Variants in EFCC1 observed in about 807,000 individuals in gnomAD.
The protein encoded by EFCC1 is EF-hand and coiled-coil domain containing 1.
Under a neutral mutation model 52.1 loss-of-function variants are expected in EFCC1, and 50 were observed. The ratio of observed to expected loss-of-function variants is 0.96; its 90% confidence interval spans 0.76 to 1.21. The LOEUF (loss-of-function observed/expected upper bound fraction) is 1.21. Among genes scored for constraint, EFCC1 ranks in the 50% most tolerant of loss-of-function variants. The pLI is 0.00. For synonymous variants in EFCC1, 399 were observed against 396.5 expected, an observed-to-expected ratio of 1.01 and a Z score of -0.08; for missense variants, 837 against 867.3, an observed-to-expected ratio of 0.97 and a Z score of 0.44.
At position 129,001,608 on chromosome 3, in the gene EFCC1, AGC is replaced by A; in HGVS notation, c.-19_-18del. On this transcript the variant is annotated 5_prime_UTR_variant, in exon 1 of 8. Coordinates refer to ENST00000683648, the MANE Select transcript of EFCC1 (RefSeq NM_001377500.1). Reference sequence around the variant, plus strand: ...AAGGGACCGGAGGAGGGACCGGAGGAGCGAGGCGCGCGGCGCAGCGATGGAGC... The same window carrying A: ...AAGGGACCGGAGGAGGGACCGGAGGAGAGGCGCGCGGCGCAGCGATGGAGC... 13 of 1,355,236 alleles carry A rather than the reference AGC, an allele frequency of 9.6e-6. No homozygotes were observed. The South Asian group carries it at 2.4e-4, about 25-fold the overall frequency. 84.0% of individuals were successfully genotyped at this position (1,355,236 alleles called of 1,614,324 possible). A position where few individuals can be genotyped will look rare whatever the true frequency, so the allele number is the denominator to read the frequency against.
Position 129,031,442 on chromosome 3 carries a change from C to A in EFCC1, c.1138+582C>A, listed in dbSNP as rs546307551. Among the ~76,000 whole-genome samples the A allele has an allele frequency of 1.1e-3, 160 of 152,082 alleles. 1 individual carries two copies. The highest frequency in any genetic ancestry group is 3.7e-3 in the African/African-American group (155 of 41,466). ...GGTGACAGAGTGGGGCCCTGCCCCCCTAAAGAAAAAAGAAAAACATGGATG... is the reference window on the plus strand; with the variant it reads ...GGTGACAGAGTGGGGCCCTGCCCCCATAAAGAAAAAAGAAAAACATGGATG... On this transcript the variant is annotated intron_variant, in intron 3 of 7. Coordinates refer to ENST00000683648, the MANE Select transcript of EFCC1 (RefSeq NM_001377500.1).
rs368761954 is a variant in EFCC1 at position 129,015,237 on chromosome 3, C to T, written c.980+11160C>T. ...TCTCAGGCCCTTTGGGCATACGGCT[C>T]CCTCCACCATCCCCAAGCCTACTCC... is the stretch of plus-strand genomic sequence containing the variant. On this transcript the variant is annotated intron_variant, in intron 2 of 7. Transcript: ENST00000683648. 7.2e-5 allele frequency among the ~76,000 whole-genome samples: 11 copies of T among 152,262 alleles called. No individual in the cohort carries two copies. The East Asian group carries it at 1.4e-3, about 19-fold the overall frequency.
intron 1 of EFCC1, 64 bp downstream of exon 1, chr3:129,002,388 T>C: frequency 6.8e-7 from 1 of 1,474,192 alleles, no homozygotes; most frequent in South Asian, 1.3e-5. Flanking sequence ...AAAAGCTGGC[T>C]GGCTGCGGAG....
intron 2 of EFCC1, among the ~76,000 whole-genome samples, chr3:129,016,942 T>C (rs1945611464): frequency 6.6e-6 from 1 of 152,206 alleles, no homozygotes; most frequent in African/African-American, 2.4e-5. Flanking sequence ...TATTATCTCA[T>C]GTGAGAAGTC....
At chr3:129,003,343 C>T in intron 1 of EFCC1, 1 of 939,828 alleles carries the variant, frequency 1.1e-6, no homozygotes, top group Non-Finnish European at 1.3e-6. Flanking sequence ...TGGGAACACA[C>T]CAGTAAAGAC....
intron 4 of EFCC1, among the ~76,000 whole-genome samples, chr3:129,033,791 G>A (rs1407383426): frequency 6.6e-6 from 1 of 152,204 alleles, no homozygotes; most frequent in Non-Finnish European, 1.5e-5. Flanking sequence ...GGCGGGGCAG[G>A]GAGATGCAGG....
rs186043102 is a variant in EFCC1, at chr3:129,040,154, C to T, written c.*306C>T. ...TGATGCTGTATCTTTCCCCTGCCCT[C>T]AGGGCAGAGATGCCCACTTTCTGAC... is the stretch of plus-strand genomic sequence containing the variant. On this transcript the variant is annotated 3_prime_UTR_variant, in exon 8 of 8. Transcript: ENST00000683648. This position sits in a 1 kb window ranked among gnomAD's most constrained non-coding sequence, Gnocchi z 4.4. 8.8e-5 allele frequency: 30 copies of T among 341,428 alleles called. No individual in the cohort carries two copies. Among genetic ancestry groups the T allele is most frequent in the Admixed American group, 5.3e-4 (11 of 20,670 alleles). 21.1% of individuals were successfully genotyped at this position (341,428 alleles called of 1,614,324 possible).
At position 129,004,039 on chromosome 3, in the gene EFCC1, CTGGGTG is replaced by C; in HGVS notation, c.943_948del (p.Trp315_Val316del). ...CGCAACAGGTGCCCGGCTTGCAGCG[CTGGGTG>C]CGGCGGCTGGAGGCGGAGCTGCAAC... On this transcript the variant is annotated inframe_deletion, in exon 2 of 8. Coordinates refer to ENST00000683648, the MANE Select transcript of EFCC1 (RefSeq NM_001377500.1). 1 of 1,511,464 alleles carries C rather than the reference CTGGGTG, an allele frequency of 6.6e-7. No homozygotes were observed. The allele number at this position is 1,511,464 out of a possible 1,614,324, so 93.6% of individuals were successfully genotyped here. A position where few individuals can be genotyped will look rare whatever the true frequency, so the allele number is the denominator to read the frequency against.
chr3:129,004,385 A>G (rs1471890274), intron 2 of EFCC1, among the ~76,000 whole-genome samples: 8 of 10,598 alleles, frequency 7.5e-4, no homozygotes, highest in African/African-American at 1.4e-3. Flanking sequence ...CCACCCACCC[A>G]TCCATCCACT....
intron 2 of EFCC1, among the ~76,000 whole-genome samples, chr3:129,008,547 ATTTAT>A (rs1315326941): frequency 1.3e-5 from 2 of 152,264 alleles, no homozygotes; most frequent in Non-Finnish European, 2.9e-5. Flanking sequence ...AATTGGAGAC[ATTTAT>A]TTAATTCATT....
At chr3:129,009,872 T>TG (rs1164010740) in intron 2 of EFCC1, among the ~76,000 whole-genome samples, 1 of 152,216 alleles carries the variant, frequency 6.6e-6, no homozygotes, top group African/African-American at 2.4e-5. Flanking sequence ...GGGGGGACTC[T>TG]GTAACCTCGC....
rs113387626 is a variant in EFCC1 at position 129,034,821 on chromosome 3, C to T, written c.1452+492C>T. The stretch of plus-strand genomic sequence containing the variant: ...CTCAGGGAGGAACTCCGATTGGCCA[C>T]CTCAGTCATGTGCCCGTCCCTGGGC... On this transcript the variant is annotated intron_variant, in intron 5 of 7. Coordinates refer to ENST00000683648, the MANE Select transcript of EFCC1 (RefSeq NM_001377500.1). Among the ~76,000 whole-genome samples, 165 of 152,290 alleles carry T rather than the reference C, an allele frequency of 1.1e-3. 1 individual carries two copies. Among genetic ancestry groups the T allele is most frequent in the Middle Eastern group, 3.4e-3 (1 of 294 alleles).
rs190238873 is a variant in EFCC1 at position 129,007,626 on chromosome 3, G to A, written c.980+3549G>A. Among the ~76,000 whole-genome samples the A allele has an allele frequency of 2.0e-5, 3 of 152,334 alleles. No individual in the cohort carries two copies. In the East Asian group the frequency reaches 5.8e-4, roughly 29 times the overall value. ...CTCTAAGGTTGGTATTATGTCGGAT[G>A]TTTCAAATAAGGAAATAGACCCTTG... On this transcript the variant is annotated intron_variant, in intron 2 of 7. Transcript: ENST00000683648.
chr3:129,016,544 G>C (rs1945592778), intron 2 of EFCC1, among the ~76,000 whole-genome samples: 1 of 148,604 alleles, frequency 6.7e-6, no homozygotes, highest in South Asian at 2.4e-4. Context: ...GTGCCCGTGA[G>C]CTCCACCTGC....
At chr3:129,003,386 G>C (rs993428722) in intron 1 of EFCC1, 4 of 698,652 alleles carry the variant, frequency 5.7e-6, no homozygotes, top group Non-Finnish European at 7.0e-6. Context: ...CCTCTAGTGA[G>C]CAGGCACGGG....
At chr3:129,036,834 C>A in intron 5 of EFCC1, 143 bp from the exon 6 acceptor site, 1 of 1,183,794 alleles carries the variant, frequency 8.4e-7, no homozygotes, top group Non-Finnish European at 1.2e-6. Flanking sequence ...TTACATCAGT[C>A]CAACCCGCTG....
At chr3:129,020,495 A>T (rs1945788832) in intron 2 of EFCC1, among the ~76,000 whole-genome samples, 1 of 152,122 alleles carries the variant, frequency 6.6e-6, no homozygotes, top group Non-Finnish European at 1.5e-5. Flanking sequence ...AAATTGGCTG[A>T]GCATGGTGGC....
intron 2 of EFCC1, among the ~76,000 whole-genome samples, chr3:129,007,018 A>G (rs565147196): frequency 1.3e-5 from 2 of 152,332 alleles, no homozygotes; most frequent in East Asian, 1.9e-4. Context: ...TACTGTCAGC[A>G]TTTCACAGAC....
intron 5 of EFCC1, 81 bp from the exon 6 acceptor site, chr3:129,036,896 G>A: frequency 1.9e-6 from 3 of 1,603,998 alleles, no homozygotes; most frequent in Non-Finnish European, 2.5e-6. Context: ...ACCAGCCTCG[G>A]GGAGATGGAG....
Sources: allele counts gnomAD v4.1 joint callset (sites outside exome capture counted in the v4.1 genomes callset), GRCh38; gene constraint gnomAD v4.1.1; non-coding constraint Gnocchi (gnomAD v3.1); transcripts MANE v1.5; gene names NCBI Gene and HGNC (gene_info 2026-07-23, HGNC 2026-07-21).